WWOX: variants seen among roughly 807,000 people sequenced by gnomAD.
WWOX encodes the protein WW domain containing oxidoreductase, also known as WW domain-containing oxidoreductase.
A neutral mutation model predicts 46.2 loss-of-function variants in WWOX; 69 were observed. That is an observed-to-expected ratio of 1.49 (90% CI 1.23 to 1.82). The LOEUF is 1.82. WWOX is among the 40% of genes most tolerant of loss of function. The probability of loss-of-function intolerance (pLI) is 0.00; values close to 1 mark genes in which losing one functional copy is unlikely to be tolerated. For missense variants in WWOX, 919 were observed against 542.6 expected (o/e 1.69, Z -6.89); for synonymous variants, 359 against 202.6 (o/e 1.77, Z -6.56).
At chr16:78,957,663 CTT>C (rs1307409489) in intron 8 of WWOX, among the ~76,000 whole-genome samples, 1 of 152,150 alleles carries the variant, frequency 6.6e-6, no homozygotes, top group Non-Finnish European at 1.5e-5. Flanking sequence ...TCTCTAAAAA[CTT>C]AAGTCAAGGG....
Position 79,212,530 on chromosome 16 carries a change from T to TG in WWOX, c.*740dup, listed in dbSNP as rs1335668113. ...ATACTTAAGAATACACAGGATATTT[T>TG]GGGGGGCAGAGAATAAAACGTTAGT... On this transcript the variant is annotated 3_prime_UTR_variant, in exon 9 of 9. Coordinates refer to ENST00000566780, the MANE Select transcript of WWOX (RefSeq NM_016373.4). 21 of 174,062 alleles carry TG rather than the reference T, an allele frequency of 1.2e-4. No homozygotes were observed. In the East Asian group the frequency reaches 2.4e-3, roughly 20 times the overall value. The allele number at this position is 174,062 out of a possible 1,614,324, so 10.8% of individuals were successfully genotyped here. A position where few individuals can be genotyped will look rare whatever the true frequency, so the allele number is the denominator to read the frequency against.
chr16:79,157,546 C>G (rs572480709), intron 8 of WWOX, among the ~76,000 whole-genome samples: 183 of 152,214 alleles, frequency 1.2e-3, no homozygotes, highest in African/African-American at 4.3e-3. Flanking sequence ...GTAGTGGAAC[C>G]TCAGTAATCA....
intron 8 of WWOX, among the ~76,000 whole-genome samples, chr16:78,738,422 G>A (rs2049138616): frequency 6.6e-6 from 1 of 152,100 alleles, no homozygotes; most frequent in African/African-American, 2.4e-5. Flanking sequence ...TTTTACAAAG[G>A]AAAATCTGGA....
rs571655669 is a variant in WWOX at position 79,036,858 on chromosome 16, G to A, written c.1057-174750G>A. Among the ~76,000 whole-genome samples the A allele has an allele frequency of 3.3e-5, 5 of 152,326 alleles. No individual in the cohort carries two copies. The East Asian group carries it at 9.6e-4, about 29-fold the overall frequency. ...GCATCAGGTATTTTAGACACATGAAGAGAGGATCAGATTCAGTGGAAGTGC... is the reference window on the plus strand; with the variant it reads ...GCATCAGGTATTTTAGACACATGAAAAGAGGATCAGATTCAGTGGAAGTGC... On this transcript the variant is annotated intron_variant, in intron 8 of 8. Transcript: ENST00000566780.
intron 8 of WWOX, among the ~76,000 whole-genome samples, chr16:79,210,792 G>A (rs989066890): frequency 2.6e-5 from 4 of 152,194 alleles, no homozygotes; most frequent in African/African-American, 9.6e-5. Context: ...TGGATGATAT[G>A]ATGCCTCATC....
intron 8 of WWOX, among the ~76,000 whole-genome samples, chr16:79,139,642 C>T (rs1438869701): frequency 1.3e-5 from 2 of 151,736 alleles, no homozygotes; most frequent in African/African-American, 4.9e-5. Flanking sequence ...AGAAGAAAAG[C>T]AGGCCGATCT....
chr16:78,194,710 G>T (rs929489220), intron 5 of WWOX, among the ~76,000 whole-genome samples: 5 of 151,946 alleles, frequency 3.3e-5, no homozygotes, highest in African/African-American at 1.2e-4. Flanking sequence ...TGGGACAGGT[G>T]ATCACCCCCA....
At chr16:78,348,259 G>A (rs1388161645) in intron 5 of WWOX, among the ~76,000 whole-genome samples, 1 of 121,196 alleles carries the variant, frequency 8.3e-6, no homozygotes, top group African/African-American at 2.8e-5. Flanking sequence ...AAAGAGGGTT[G>A]TAAGTAGAGA....
chr16:78,505,486 G>C (rs1055214949), intron 8 of WWOX, among the ~76,000 whole-genome samples: 1 of 152,144 alleles, frequency 6.6e-6, no homozygotes, highest in African/African-American at 2.4e-5. Context: ...TTCGTACCTA[G>C]ATTTGGCCTG....
chr16:78,984,035 G>C (rs540480198), intron 8 of WWOX, among the ~76,000 whole-genome samples: 1 of 151,062 alleles, frequency 6.6e-6, no homozygotes, highest in East Asian at 1.9e-4. Context: ...CTGCCACCAT[G>C]CCCGGCTATT....
At chr16:78,130,673 C>G (rs148339439) in intron 4 of WWOX, among the ~76,000 whole-genome samples, 22 of 152,340 alleles carry the variant, frequency 1.4e-4, no homozygotes, top group African/African-American at 4.8e-4. Flanking sequence ...GCAATGAAAA[C>G]TGTGTGATGA....
At chr16:78,217,130 C>T (rs1250988220) in intron 5 of WWOX, among the ~76,000 whole-genome samples, 1 of 152,188 alleles carries the variant, frequency 6.6e-6, no homozygotes, top group African/African-American at 2.4e-5. Context: ...GGGATTAGGA[C>T]CTGGACATCT....
chr16:79,026,614 CTTTTTT>C (rs748965500), intron 8 of WWOX, among the ~76,000 whole-genome samples: 8 of 101,096 alleles, frequency 7.9e-5, no homozygotes, highest in African/African-American at 2.0e-4. Flanking sequence ...GTGGTAGACT[CTTTTTT>C]TTTTTTTTTT....
rs192510382 is a variant in WWOX, at chr16:78,157,418, A to T, written c.410-6765A>T. Among the ~76,000 whole-genome samples, 447 of 152,302 alleles carry T rather than the reference A, an allele frequency of 2.9e-3. 2 individuals carry two copies. Among genetic ancestry groups the T allele is most frequent in the African/African-American group, 0.01 (429 of 41,574 alleles). On this transcript the variant is annotated intron_variant, in intron 4 of 8. Coordinates refer to ENST00000566780, the MANE Select transcript of WWOX (RefSeq NM_016373.4). ...ACTGGTGATAAGGGGTGACATTGGT[A>T]TCACAGGTAAAAATGAGTAAATTTG...
chr16:79,172,047 G>C (rs1385895098), intron 8 of WWOX, among the ~76,000 whole-genome samples: 1 of 152,272 alleles, frequency 6.6e-6, no homozygotes, highest in South Asian at 2.1e-4. Context: ...CCTGTGGAGC[G>C]AGGGCAAGTT....
At chr16:78,161,763 A>T (rs570633276) in intron 4 of WWOX, among the ~76,000 whole-genome samples, 1 of 152,166 alleles carries the variant, frequency 6.6e-6, no homozygotes, top group South Asian at 2.1e-4. Context: ...CCTTTTTATC[A>T]TTCTGCTTTT....
At chr16:79,166,011 C>G (rs8051054) in intron 8 of WWOX, among the ~76,000 whole-genome samples, 2 of 151,962 alleles carry the variant, frequency 1.3e-5, no homozygotes, top group African/African-American at 2.4e-5. Context: ...ATGTCATTTT[C>G]ATAACTATCT....
At chr16:78,248,388 T>C (rs1430147306) in intron 5 of WWOX, among the ~76,000 whole-genome samples, 1 of 152,164 alleles carries the variant, frequency 6.6e-6, no homozygotes, top group Non-Finnish European at 1.5e-5. Flanking sequence ...GAGAAATCTG[T>C]CCGCATGATC....
At chr16:78,378,942 A>G (rs983279857) in intron 5 of WWOX, among the ~76,000 whole-genome samples, 4 of 152,216 alleles carry the variant, frequency 2.6e-5, no homozygotes, top group South Asian at 2.1e-4. Flanking sequence ...CTTCAAGAAT[A>G]TGACGACAGG....
Sources: gnomAD v4.1 joint callset for allele counts (sites outside exome capture counted in the v4.1 genomes callset) on GRCh38, gnomAD v4.1.1 for gene constraint, MANE v1.5 for transcripts, NCBI Gene and HGNC (gene_info 2026-07-23, HGNC 2026-07-21) for gene names.